Variants in MROH6 observed in about 807,000 individuals in gnomAD.
The protein encoded by MROH6 is maestro heat like repeat family member 6, also known as maestro heat-like repeat-containing protein family member 6.
MROH6 carries 62 observed loss-of-function variants against 67.7 expected under a neutral mutation model. The ratio of observed to expected loss-of-function variants is 0.92; its 90% confidence interval spans 0.75 to 1.13. The LOEUF (loss-of-function observed/expected upper bound fraction) is 1.13. Among genes scored for constraint, MROH6 ranks in the 50% most tolerant of loss-of-function variants. The pLI is 0.00. For missense variants in MROH6, 1,175 were observed against 1,029.1 expected, an observed-to-expected ratio of 1.14 and a Z score of -1.94; for synonymous variants, 566 against 470.8, an observed-to-expected ratio of 1.20 and a Z score of -2.62.
chr8:143,568,800 G>A, intron 9 of MROH6, 81 bp from the exon 10 acceptor site: 1 of 1,122,896 alleles, frequency 8.9e-7, no homozygotes, highest in Non-Finnish European at 1.2e-6. Context: ...CGCGGAGCGA[G>A]GAAGCGGCGG....
At chr8:143,568,062 G>A (rs908403912) in intron 11 of MROH6, 80 bp downstream of exon 11, 33 of 1,521,046 alleles carry the variant, frequency 2.2e-5, no homozygotes, top group Admixed American at 1.0e-4. Context: ...CAGTAGAAAC[G>A]GTTGGGGGCC....
rs1824052023 is a variant in MROH6 at position 143,571,706 on chromosome 8, A to G, written c.563T>C (p.Val188Ala). Reference protein sequence around the residue: ...SALALEHARDVVCALLPRSLP... With the variant: ...SALALEHARDAVCALLPRSLP... ...AGAGCGGGGTAGCAGCGCACACACC[A>G]CGTCCCGCGCATGCTCCAGGGCCAG... Residue 188 changes from valine (V) to alanine (A), a missense_variant, in exon 3 of 14, where the codon GTG becomes GCG. By Grantham distance (64) the Val-to-Ala change is moderately conservative (BLOSUM62 0). Coordinates refer to ENST00000398882, the MANE Select transcript of MROH6 (RefSeq NM_001100878.2). The G allele has an allele frequency of 6.4e-7, 1 of 1,551,794 alleles. No individual in the cohort carries two copies. Among genetic ancestry groups the G allele is most frequent in the African/African-American group, 1.4e-5 (1 of 73,298 alleles).
At chr8:143,572,300 C>T (rs1056709756) in intron 1 of MROH6, 115 bp from the exon 2 acceptor site, 41 of 1,517,430 alleles carry the variant, frequency 2.7e-5, no homozygotes, top group Non-Finnish European at 3.5e-5. Context: ...TGTTGCTCAC[C>T]AGCCTGTTTC....
intron 1 of MROH6, 37 bp downstream of exon 1, chr8:143,572,384 G>C (rs776351470): frequency 4.0e-6 from 6 of 1,517,788 alleles, no homozygotes; most frequent in Non-Finnish European, 5.3e-6. Context: ...AGGACCCCCA[G>C]GCCGGTTCGC....
chr8:143,567,298 G>T lies in MROH6; in HGVS notation c.2101C>A (p.Pro701Thr). ...CCCGCGACGCTCCGGCGCTGGAAGG[G>T]GCTGTCGGCGAAGACTGGTGGGGGC... ...ARPPPVFADS[P>T]FQRRSVAGRW... Residue 701 changes from proline (P) to threonine (T), a missense_variant, in exon 14 of 14, where the codon CCC (proline) becomes ACC (threonine). By Grantham distance (38) the Pro-to-Thr change is conservative. Transcript: ENST00000398882. 1 of 1,221,866 alleles carries T rather than the reference G, an allele frequency of 8.2e-7. No individual in the cohort carries two copies. The highest frequency in any genetic ancestry group is 1.0e-6 in the Non-Finnish European group (1 of 981,508). 75.7% of individuals were successfully genotyped at this position (1,221,866 alleles called of 1,614,324 possible).
intron 2 of MROH6, 74 bp from the exon 3 acceptor site, chr8:143,571,895 C>T: frequency 6.7e-7 from 1 of 1,495,526 alleles, no homozygotes; most frequent in South Asian, 1.3e-5. Flanking sequence ...TGCACCCCAC[C>T]TCCACCCCCA....
At chr8:143,568,047 G>A in intron 11 of MROH6, 95 bp downstream of exon 11, 1 of 1,499,568 alleles carries the variant, frequency 6.7e-7, no homozygotes, top group South Asian at 1.3e-5. Flanking sequence ...TATCTGGTTT[G>A]GCTGCAGTAG....
intron 9 of MROH6, among the ~76,000 whole-genome samples, chr8:143,569,153 G>A: frequency 3.0e-5 from 1 of 33,482 alleles, no homozygotes. Flanking sequence ...GCGGGGCATG[G>A]GAAGGAGAAA....
At chr8:143,568,347 G>A (rs890675710) in intron 10 of MROH6, 86 bp from the exon 11 acceptor site, 10 of 1,507,708 alleles carry the variant, frequency 6.6e-6, no homozygotes, top group Admixed American at 2.0e-5. Flanking sequence ...CAAGGGCATC[G>A]GGTGAGGGGC....
At position 143,567,903 on chromosome 8, in the gene MROH6, G is replaced by A. The variant is rs992193597; in HGVS notation, c.1765-15C>T. 2 of 1,518,050 alleles carry A rather than the reference G, an allele frequency of 1.3e-6. No individual in the cohort carries two copies. Among genetic ancestry groups the A allele is most frequent in the East Asian group, 2.3e-5 (1 of 44,068 alleles). The allele number at this position is 1,518,050 out of a possible 1,614,324, so 94.0% of individuals were successfully genotyped here. A position where few individuals can be genotyped will look rare whatever the true frequency, so the allele number is the denominator to read the frequency against. ...TATCGCTGAACCTGGGGACAAAAGG[G>A]CTAGTGGCAGGACAGGAGGGCTGAT... On this transcript the variant is annotated splice_polypyrimidine_tract_variant and intron_variant, in intron 11 of 13. Transcript: ENST00000398882.
intron 13 of MROH6, 70 bp downstream of exon 13, chr8:143,567,541 C>T: frequency 6.1e-6 from 9 of 1,484,568 alleles, no homozygotes; most frequent in Non-Finnish European, 5.4e-6. Flanking sequence ...CCACCCACCG[C>T]TCCCGTCCAC....
intron 2 of MROH6, 78 bp downstream of exon 2, chr8:143,571,955 C>A: frequency 6.6e-7 from 1 of 1,521,132 alleles, no homozygotes; most frequent in East Asian, 2.4e-5. Context: ...GGTCAGGCTG[C>A]GCTCTCCAGG....
At chr8:143,571,486 G>C (rs1305272607) in intron 3 of MROH6, among the ~76,000 whole-genome samples, 181 bp downstream of exon 3, 1 of 152,200 alleles carries the variant, frequency 6.6e-6, no homozygotes, top group East Asian at 1.9e-4. Context: ...GAGTGTGGGG[G>C]GAGTTTGCGG....
At position 143,571,712 on chromosome 8, in the gene MROH6, C is replaced by T. The variant is rs550613374; in HGVS notation, c.557G>A (p.Arg186Gln). ...VLSALALEHA[R>Q]DVVCALLPRS... Reference sequence around the variant, plus strand: ...GGGTAGCAGCGCACACACCACGTCCCGCGCATGCTCCAGGGCCAGTGCGCT... The same window carrying T: ...GGGTAGCAGCGCACACACCACGTCCTGCGCATGCTCCAGGGCCAGTGCGCT... The change falls in exon 3 of 14, where the codon CGG becomes CAG. Residue 186 changes from arginine (R) to glutamine (Q), a missense_variant. Arg to Gln is a conservative substitution (Grantham distance 43). Transcript: ENST00000398882. 1.0e-5 allele frequency: 16 copies of T among 1,551,312 alleles called. No individual in the cohort carries two copies. The East Asian group carries it at 1.2e-4, about 12-fold the overall frequency.
At chr8:143,571,059 TC>T in intron 3 of MROH6, 65 bp from the exon 4 acceptor site, 1 of 1,389,524 alleles carries the variant, frequency 7.2e-7, no homozygotes, top group Non-Finnish European at 9.9e-7. Flanking sequence ...ATGTAGGGAG[TC>T]CCCAGCCAGG....
In MROH6 at chr8:143,570,146, A is replaced by G. The variant is rs1253761995; in HGVS notation, c.1044-81T>C. ...AAGACCCCATCCCAACACCACCCTCATGCCCCTGCCTTTTCCCTGTCCCCC... is the reference window on the plus strand; with the variant it reads ...AAGACCCCATCCCAACACCACCCTCGTGCCCCTGCCTTTTCCCTGTCCCCC... On this transcript the variant is annotated intron_variant, in intron 6 of 13. Coordinates refer to ENST00000398882, the MANE Select transcript of MROH6 (RefSeq NM_001100878.2). 4 of 1,566,984 alleles carry G rather than the reference A, an allele frequency of 2.6e-6. No homozygotes were observed. In the African/African-American group the frequency reaches 5.4e-5, roughly 21 times the overall value.
intron 11 of MROH6, 90 bp downstream of exon 11, chr8:143,568,052 C>T: frequency 1.3e-6 from 2 of 1,505,344 alleles, no homozygotes; most frequent in Non-Finnish European, 1.8e-6. Context: ...GGTTTGGCTG[C>T]AGTAGAAACG....
rs1232605907 is a variant in MROH6, at chr8:143,567,425, GGCCACA to G, written c.1968_1973del (p.Val657_Ala658del). On this transcript the variant is annotated inframe_deletion, in exon 14 of 14. Coordinates refer to ENST00000398882, the MANE Select transcript of MROH6 (RefSeq NM_001100878.2). Reference sequence around the variant, plus strand: ...GCTGAGCGGACACGTGCGCTGCCGCGGCCACAGCCGGCTTGGGGTCGCTCTGCAGTC... The same window carrying G: ...GCTGAGCGGACACGTGCGCTGCCGCGGCCGGCTTGGGGTCGCTCTGCAGTC... 3 of 1,319,920 alleles carry G rather than the reference GGCCACA, an allele frequency of 2.3e-6. No homozygotes were observed. The highest frequency in any genetic ancestry group is 3.1e-5 in the African/African-American group (2 of 65,266). 81.8% of individuals were successfully genotyped at this position (1,319,920 alleles called of 1,614,324 possible).
At position 143,571,829 on chromosome 8, in the gene MROH6, G is replaced by A; in HGVS notation, c.448-8C>T. 1.3e-6 allele frequency: 2 copies of A among 1,539,152 alleles called. No individual in the cohort carries two copies. Among genetic ancestry groups the A allele is most frequent in the Non-Finnish European group, 1.8e-6 (2 of 1,142,464 alleles). The stretch of plus-strand genomic sequence containing the variant: ...ACGCACCAGAGCATGCACCTGGTGG[G>A]GAAGGGGGCAGACTTCAGCAGTCAG... On this transcript the variant is annotated splice_region_variant and splice_polypyrimidine_tract_variant and intron_variant, in intron 2 of 13. Coordinates refer to ENST00000398882, the MANE Select transcript of MROH6 (RefSeq NM_001100878.2).
Sources: allele counts gnomAD v4.1 joint callset (sites outside exome capture counted in the v4.1 genomes callset), GRCh38; gene constraint gnomAD v4.1.1; transcripts MANE v1.5; gene names NCBI Gene and HGNC (gene_info 2026-07-23, HGNC 2026-07-21).